The following MAGIX variants were observed in gnomAD, a reference collection of about 807,000 sequenced individuals.
MAGIX encodes MAGI family member, X-linked, also known as PDZ domain-containing protein MAGIX.
In MAGIX, 13 loss-of-function variants were observed where a neutral mutation model predicts 10.0. That is an observed-to-expected ratio of 1.30 (90% CI 0.84 to 2.06). The LOEUF (loss-of-function observed/expected upper bound fraction) is 2.06, where lower values mean the gene tolerates loss of function less well. MAGIX is among the 30% of genes most tolerant of loss of function. The probability of loss-of-function intolerance (pLI) is 0.00; values close to 1 mark genes in which losing one functional copy is unlikely to be tolerated. For synonymous variants in MAGIX, 108 were observed against 106.8 expected, an observed-to-expected ratio of 1.01 and a Z score of -0.07; for missense variants, 235 against 245.2, an observed-to-expected ratio of 0.96 and a Z score of 0.28.
At chrX:49,166,632 G>T in exon 5 of MAGIX, 1 of 370,326 alleles carries the variant, frequency 2.7e-6, no homozygotes. Context: ...GTTCGATCCG[G>T]TCTTGACTTG....
In MAGIX at chrX:49,165,044, G is replaced by A. The variant is rs200396162; in HGVS notation, c.284G>A (p.Arg95His). 4.2e-4 allele frequency: 507 copies of A among 1,208,341 alleles called. 6 individuals carry two copies. Among genetic ancestry groups the A allele is most frequent in the Non-Finnish European group, 8.8e-5 (79 of 894,348 alleles). Residue 95 changes from arginine to histidine, a missense_variant, in exon 3 of 5, where the codon CGC becomes CAC. Transcript: ENST00000616266. ...GCTGGGGACACTCCGCTGGCCGTGCGCGGGCTGCTGAAGGATGGCCCAGCA... is the reference window on the plus strand; with the variant it reads ...GCTGGGGACACTCCGCTGGCCGTGCACGGGCTGCTGAAGGATGGCCCAGCA...
At chrX:49,165,250 G>T (rs781837628) in exon 4 of MAGIX, 3 of 1,180,892 alleles carry the variant, frequency 2.5e-6, no homozygotes, top group Non-Finnish European at 2.3e-6. Flanking sequence ...CCATGCCCAG[G>T]CCGTGGAGCG....
chrX:49,165,766 G>A (rs1231730194), intron 4 of MAGIX: 2 of 341,028 alleles, frequency 5.9e-6, no homozygotes, highest in Non-Finnish European at 1.0e-5. Context: ...AAGGGTCGGT[G>A]GTTTGGGAGT....
At chrX:49,163,616 C>A in intron 1 of MAGIX, 167 bp from the exon 2 acceptor site, 1 of 405,834 alleles carries the variant, frequency 2.5e-6, no homozygotes, top group Non-Finnish European at 3.7e-6. Context: ...CCGCGACGGT[C>A]GGGGATCGCG....
intron 1 of MAGIX, chrX:49,162,839 G>A: frequency 1.3e-6 from 1 of 786,544 alleles, no homozygotes; most frequent in Non-Finnish European, 1.7e-6. Flanking sequence ...GCGCCCCAGA[G>A]CTCAAAATTC....
At chrX:49,165,412 G>C in intron 4 of MAGIX, 51 bp downstream of exon 5, 1 of 1,049,843 alleles carries the variant, frequency 9.5e-7, no homozygotes, top group Non-Finnish European at 1.3e-6. Context: ...GAAGGGAGAG[G>C]TTCACAGAGT....
chrX:49,166,346 C>G, exon 5 of MAGIX: 5 of 1,164,004 alleles, frequency 4.3e-6, no homozygotes, highest in Non-Finnish European at 4.6e-6. Flanking sequence ...CCTAGGGGTC[C>G]GGGGGGCAGC....
exon 5 of MAGIX, chrX:49,167,900 A>G (rs781788625): frequency 1.8e-5 from 2 of 112,212 alleles, no homozygotes; most frequent in Admixed American, 1.9e-4. Flanking sequence ...AACTATCCGA[A>G]TATGTCCATT....
At chrX:49,163,868 G>A (rs1434299019) in exon 2 of MAGIX, 14 of 1,039,507 alleles carry the variant, frequency 1.3e-5, no homozygotes, top group South Asian at 2.9e-5. Context: ...CGCGAGCTGC[G>A]GTCGACGTGG....
intron 2 of MAGIX, chrX:49,164,344 C>T: frequency 3.1e-6 from 1 of 324,147 alleles, no homozygotes; most frequent in Admixed American, 5.1e-5. Context: ...AATTAGAGGG[C>T]GTGCTATGGA....
chrX:49,167,046 C>T (rs1557098437), exon 5 of MAGIX: 1 of 113,781 alleles, frequency 8.8e-6, no homozygotes, highest in African/African-American at 3.2e-5. Flanking sequence ...GGCCTGCGGT[C>T]TCCCACTTCC....
chrX:49,163,835 G>A (rs113954450), exon 2 of MAGIX: 1 of 1,041,667 alleles, frequency 9.6e-7, no homozygotes, highest in Non-Finnish European at 1.2e-6. Flanking sequence ...TCCTGGCGCG[G>A]TTGGACGCGC....
At chrX:49,164,307 T>A (rs1191604345) in intron 2 of MAGIX, 6 of 270,652 alleles carry the variant, frequency 2.2e-5, no homozygotes, top group Non-Finnish European at 3.9e-5. Flanking sequence ...GCTTGAGATG[T>A]CAGGAATGGG....
intron 1 of MAGIX, chrX:49,162,922 T>A: frequency 1.3e-6 from 1 of 793,468 alleles, no homozygotes; most frequent in Non-Finnish European, 1.7e-6. Context: ...CCGCGGACCC[T>A]AGGGGGAGCA....
At chrX:49,162,778 C>G (rs983153071) in intron 1 of MAGIX, 4 of 421,419 alleles carry the variant, frequency 9.5e-6, no homozygotes, top group Non-Finnish European at 1.5e-5. Context: ...GAGCCAGGCA[C>G]GGGACCCGCC....
intron 4 of MAGIX, 51 bp downstream of exon 5, chrX:49,165,412 G>T: frequency 1.2e-5 from 13 of 1,049,848 alleles, no homozygotes; most frequent in Non-Finnish European, 1.5e-5. Context: ...GAAGGGAGAG[G>T]TTCACAGAGT....
At chrX:49,166,351 G>A (rs782291001) in exon 5 of MAGIX, 8 of 1,160,411 alleles carry the variant, frequency 6.9e-6, no homozygotes, top group Middle Eastern at 2.7e-4. Flanking sequence ...GGGTCCGGGG[G>A]GCAGCGCAGC....
exon 2 of MAGIX, chrX:49,163,868 G>C (rs1434299019): frequency 1.9e-6 from 2 of 1,038,081 alleles, no homozygotes; most frequent in Non-Finnish European, 2.5e-6. Context: ...CGCGAGCTGC[G>C]GTCGACGTGG....
chrX:49,162,908 G>C, intron 1 of MAGIX: 1 of 858,682 alleles, frequency 1.2e-6, no homozygotes, highest in Non-Finnish European at 1.6e-6. Flanking sequence ...GCGCACAGGG[G>C]ACGCCGCGGA....
Sources: allele counts gnomAD v4.1 joint callset, GRCh38; gene constraint gnomAD v4.1.1; transcripts MANE v1.5; gene names NCBI Gene and HGNC (gene_info 2026-07-23, HGNC 2026-07-21).